The following TEX36 variants were observed in gnomAD, a reference collection of about 807,000 sequenced individuals.
The protein encoded by TEX36 is testis expressed 36.
Under a neutral mutation model 13.6 loss-of-function variants are expected in TEX36, and 12 were observed. The observed-to-expected ratio is 0.88, with a 90% CI of 0.56 to 1.43. TEX36 has a LOEUF of 1.43. TEX36 is among the 40% of genes most tolerant of loss of function. The pLI is 0.00. For synonymous variants in TEX36, 93 were observed against 83.0 expected, an observed-to-expected ratio of 1.12 and a Z score of -0.65; for missense variants, 224 against 228.3, an observed-to-expected ratio of 0.98 and a Z score of 0.12.
At chr10:125,576,940 A>G (rs1244152502) in intron 3 of TEX36, 3 of 1,527,806 alleles carry the variant, frequency 2.0e-6, no homozygotes, top group African/African-American at 1.4e-5. Flanking sequence ...TAGTTCAGCA[A>G]TCAGAGAGGA....
At chr10:125,605,683 C>T (rs1383800811) in intron 3 of TEX36, among the ~76,000 whole-genome samples, 1 of 152,214 alleles carries the variant, frequency 6.6e-6, no homozygotes, top group African/African-American at 2.4e-5. Context: ...CTCACTGCAA[C>T]CTCCACCTTC....
At chr10:125,635,204 T>C (rs1846608349) in intron 3 of TEX36, among the ~76,000 whole-genome samples, 1 of 152,134 alleles carries the variant, frequency 6.6e-6, no homozygotes. Context: ...CTCCATGCAT[T>C]TAGGAGAAGG....
At chr10:125,643,431 A>C (rs1203194970) in intron 3 of TEX36, among the ~76,000 whole-genome samples, 1 of 152,146 alleles carries the variant, frequency 6.6e-6, no homozygotes, top group East Asian at 1.9e-4. Context: ...AACATGGCGA[A>C]ACCCTATCTC....
intron 3 of TEX36, among the ~76,000 whole-genome samples, chr10:125,592,531 G>C (rs919009917): frequency 4.6e-5 from 7 of 152,134 alleles, no homozygotes; most frequent in Non-Finnish European, 8.8e-5. Flanking sequence ...TCTGACACCA[G>C]ATATGCTGGG....
chr10:125,666,352 G>A (rs1255711365), intron 1 of TEX36, among the ~76,000 whole-genome samples: 1 of 152,042 alleles, frequency 6.6e-6, no homozygotes, highest in Non-Finnish European at 1.5e-5. Context: ...TATGGTCTTT[G>A]TTATTTTGAG....
chr10:125,669,635 A>G (rs548572600), intron 1 of TEX36, among the ~76,000 whole-genome samples: 28 of 152,272 alleles, frequency 1.8e-4, no homozygotes, highest in Middle Eastern at 6.8e-3. Context: ...AGTGCAGGAG[A>G]GGCAGTCTTG....
chr10:125,680,490 T>C (rs535378218), intron 1 of TEX36, among the ~76,000 whole-genome samples: 6 of 152,298 alleles, frequency 3.9e-5, no homozygotes, highest in African/African-American at 1.2e-4. Context: ...AAGTTGGCGG[T>C]GAAATTTTTG....
chr10:125,682,540 T>G (rs1234506412), intron 1 of TEX36, among the ~76,000 whole-genome samples: 1 of 152,210 alleles, frequency 6.6e-6, no homozygotes, highest in African/African-American at 2.4e-5. Context: ...TTCTAGGCAC[T>G]GGGGATACAT....
intron 3 of TEX36, among the ~76,000 whole-genome samples, chr10:125,636,077 G>A (rs1221385065): frequency 6.6e-6 from 1 of 151,858 alleles, no homozygotes; most frequent in Non-Finnish European, 1.5e-5. Flanking sequence ...ATCTCGCCAT[G>A]TTGCCCAGGC....
At chr10:125,610,551 G>T (rs10219100) in intron 3 of TEX36, among the ~76,000 whole-genome samples, 1 of 143,066 alleles carries the variant, frequency 7.0e-6, no homozygotes, top group Non-Finnish European at 1.5e-5. Context: ...AAGAAGCTCG[G>T]TTTCAAATGT....
At chr10:125,660,947 T>C (rs1394398181) in intron 3 of TEX36, 74 bp downstream of exon 3, 3 of 1,348,876 alleles carry the variant, frequency 2.2e-6, no homozygotes, top group Non-Finnish European at 3.1e-6. Context: ...TCCTCTATCT[T>C]CAACACACCC....
At chr10:125,679,467 G>C (rs1347997194) in intron 1 of TEX36, among the ~76,000 whole-genome samples, 1 of 152,146 alleles carries the variant, frequency 6.6e-6, no homozygotes, top group Non-Finnish European at 1.5e-5. Context: ...TTCCTCCCTA[G>C]AGGAGTTCCA....
At chr10:125,594,479 A>G (rs1377999982) in intron 3 of TEX36, among the ~76,000 whole-genome samples, 1 of 152,218 alleles carries the variant, frequency 6.6e-6, no homozygotes, top group African/African-American at 2.4e-5. Flanking sequence ...GAAGCAGCTG[A>G]AAGATCAGAT....
intron 3 of TEX36, among the ~76,000 whole-genome samples, chr10:125,587,779 T>A (rs1219884633): frequency 1.4e-4 from 17 of 120,748 alleles, no homozygotes; most frequent in African/African-American, 5.4e-4. Flanking sequence ...AAGCTCTGTC[T>A]CAAAATTAAA....
At chr10:125,657,247 G>A (rs1453603808) in intron 3 of TEX36, among the ~76,000 whole-genome samples, 1 of 152,162 alleles carries the variant, frequency 6.6e-6, no homozygotes, top group African/African-American at 2.4e-5. Flanking sequence ...ATTCCAATTA[G>A]AGTAATTTGA....
chr10:125,638,909 T>A (rs1424019843), intron 3 of TEX36, among the ~76,000 whole-genome samples: 1 of 152,274 alleles, frequency 6.6e-6, no homozygotes, highest in African/African-American at 2.4e-5. Context: ...GTCTGCTGAA[T>A]AAACCCATCA....
intron 3 of TEX36, among the ~76,000 whole-genome samples, chr10:125,640,696 C>T (rs1373758379): frequency 6.6e-6 from 1 of 152,040 alleles, no homozygotes; most frequent in Admixed American, 6.6e-5. Flanking sequence ...TTGTTTCACC[C>T]AGGGAAAGGC....
chr10:125,582,662 AT>A (rs1845897338), intron 3 of TEX36, among the ~76,000 whole-genome samples: 1 of 152,218 alleles, frequency 6.6e-6, no homozygotes, highest in Non-Finnish European at 1.5e-5. Context: ...TCATTTGTTC[AT>A]TCAGACAATC....
At chr10:125,632,675 C>A (rs770269233) in intron 3 of TEX36, among the ~76,000 whole-genome samples, 1 of 152,160 alleles carries the variant, frequency 6.6e-6, no homozygotes, top group South Asian at 2.1e-4. Context: ...ACCAGCTGCA[C>A]GAGCTGCTCA....
Sources: gnomAD v4.1 joint callset for allele counts (sites outside exome capture counted in the v4.1 genomes callset) on GRCh38, gnomAD v4.1.1 for gene constraint, MANE v1.5 for transcripts, NCBI Gene and HGNC (gene_info 2026-07-23, HGNC 2026-07-21) for gene names.